GRIK1: variants seen among roughly 807,000 people sequenced by gnomAD.
GRIK1 encodes the protein glutamate receptor ionotropic, kainate 1.
Under a neutral mutation model 105.7 loss-of-function variants are expected in GRIK1, and 69 were observed. That is an observed-to-expected ratio of 0.65 (90% CI 0.54 to 0.80). GRIK1 has a LOEUF of 0.80. Among genes scored for constraint, GRIK1 ranks in the 30% least tolerant of loss-of-function variants. The pLI is 0.00. For missense variants in GRIK1, 1,109 were observed against 1,167.3 expected, an observed-to-expected ratio of 0.95 and a Z score of 0.73; for synonymous variants, 438 against 431.3, an observed-to-expected ratio of 1.02 and a Z score of -0.19.
chr21:29,699,211 T>C (rs2063767074), intron 1 of GRIK1, among the ~76,000 whole-genome samples: 1 of 152,234 alleles, frequency 6.6e-6, no homozygotes, highest in Non-Finnish European at 1.5e-5. Context: ...GTCACTGTTA[T>C]GGACTGAATT....
chr21:29,924,447 A>T (rs2071290719), intron 1 of GRIK1, among the ~76,000 whole-genome samples: 1 of 152,110 alleles, frequency 6.6e-6, no homozygotes, highest in Admixed American at 6.5e-5. Context: ...TGACATCATG[A>T]GCTTTATTCT....
intron 1 of GRIK1, among the ~76,000 whole-genome samples, chr21:29,776,691 G>T (rs142482685): frequency 3.1e-4 from 47 of 152,296 alleles, no homozygotes; most frequent in African/African-American, 1.0e-3. Context: ...AGTTTAGAAG[G>T]GGTTGTTAGT....
At chr21:29,827,359 C>A (rs559609211) in intron 1 of GRIK1, among the ~76,000 whole-genome samples, 39 of 151,972 alleles carry the variant, frequency 2.6e-4, no homozygotes, top group Non-Finnish European at 4.7e-4. Flanking sequence ...TTTATGAATT[C>A]AAATATATTT....
chr21:29,828,157 G>A (rs1349627749), intron 1 of GRIK1, among the ~76,000 whole-genome samples: 1 of 151,848 alleles, frequency 6.6e-6, no homozygotes, highest in African/African-American at 2.4e-5. Context: ...GCTTAGTCCT[G>A]GAATTGGCAC....
intron 15 of GRIK1, among the ~76,000 whole-genome samples, chr21:29,559,657 T>C (rs2090344169): frequency 1.3e-5 from 2 of 152,250 alleles, no homozygotes; most frequent in Admixed American, 1.3e-4. Context: ...TCACATTGGC[T>C]GTGTATTCAT....
chr21:29,675,072 A>C (rs2063240165), intron 3 of GRIK1, among the ~76,000 whole-genome samples: 1 of 152,238 alleles, frequency 6.6e-6, no homozygotes, highest in Non-Finnish European at 1.5e-5. Context: ...AATCTTTGAA[A>C]TAATCCTATG....
intron 1 of GRIK1, among the ~76,000 whole-genome samples, chr21:29,898,658 A>G (rs1228644304): frequency 6.6e-6 from 1 of 152,224 alleles, no homozygotes; most frequent in Non-Finnish European, 1.5e-5. Flanking sequence ...GCTTCTTAAC[A>G]AAAAGACAAT....
At chr21:29,756,376 A>G (rs1248876147) in intron 1 of GRIK1, among the ~76,000 whole-genome samples, 1 of 152,132 alleles carries the variant, frequency 6.6e-6, no homozygotes, top group Non-Finnish European at 1.5e-5. Flanking sequence ...GCGAGACTCC[A>G]TCTCAAAAAA....
At chr21:29,929,514 C>A (rs1245840847) in intron 1 of GRIK1, among the ~76,000 whole-genome samples, 1 of 152,148 alleles carries the variant, frequency 6.6e-6, no homozygotes, top group Non-Finnish European at 1.5e-5. Flanking sequence ...GTATGTAAAA[C>A]CATACACTAT....
chr21:29,850,459 C>T (rs2068269861), intron 1 of GRIK1, among the ~76,000 whole-genome samples: 1 of 152,080 alleles, frequency 6.6e-6, no homozygotes, highest in African/African-American at 2.4e-5. Context: ...GCATACACAC[C>T]CTGTACCCAA....
At chr21:29,831,337 C>G (rs1156611840) in intron 1 of GRIK1, among the ~76,000 whole-genome samples, 1 of 152,168 alleles carries the variant, frequency 6.6e-6, no homozygotes, top group East Asian at 1.9e-4. Context: ...GCTCTCTGCT[C>G]CCACCCACTA....
intron 1 of GRIK1, among the ~76,000 whole-genome samples, chr21:29,934,402 TAGTC>T (rs2071676330): frequency 6.6e-6 from 1 of 152,190 alleles, no homozygotes; most frequent in Admixed American, 6.5e-5. Flanking sequence ...ATGTTAACGT[TAGTC>T]AGGCACTCCC....
Position 29,555,315 on chromosome 21 carries a change from C to A in GRIK1, c.2357-13G>T, listed in dbSNP as rs1171447257. On this transcript the variant is annotated splice_polypyrimidine_tract_variant and intron_variant, in intron 15 of 17. Coordinates refer to ENST00000327783, the MANE Select transcript of GRIK1 (RefSeq NM_001330994.2). The stretch of plus-strand genomic sequence containing the variant: ...CGGTAAGGAGAACCTGGAAGTAAAA[C>A]CATCTGGATATTGGTCACCAAAATG... The A allele has an allele frequency of 6.2e-7, 1 of 1,609,486 alleles. No homozygotes were observed.
At chr21:29,642,624 ACTT>A (rs1350448327) in intron 7 of GRIK1, among the ~76,000 whole-genome samples, 199 bp downstream of exon 7, 4 of 152,228 alleles carry the variant, frequency 2.6e-5, no homozygotes, top group Non-Finnish European at 4.4e-5. Context: ...GCGTCACTGA[ACTT>A]CTCAGCATCA....
At chr21:29,817,038 T>G (rs1405635972) in intron 1 of GRIK1, among the ~76,000 whole-genome samples, 1 of 152,144 alleles carries the variant, frequency 6.6e-6, no homozygotes, top group East Asian at 1.9e-4. Flanking sequence ...AAATATCAGA[T>G]GTACCCCACC....
At chr21:29,627,286 A>T (rs17831620) in intron 7 of GRIK1, among the ~76,000 whole-genome samples, 4,004 of 152,316 alleles carry the variant, frequency 0.026, 71 homozygotes, top group Non-Finnish European at 0.04. Flanking sequence ...TTTGAATTCC[A>T]TTACTAGCAT....
At chr21:29,770,241 T>C (rs1026563270) in intron 1 of GRIK1, among the ~76,000 whole-genome samples, 1 of 152,218 alleles carries the variant, frequency 6.6e-6, no homozygotes, top group Non-Finnish European at 1.5e-5. Context: ...ACAGATTGTG[T>C]CACCCATCGT....
At chr21:29,707,884 C>A (rs923472420) in intron 1 of GRIK1, among the ~76,000 whole-genome samples, 1 of 152,164 alleles carries the variant, frequency 6.6e-6, no homozygotes, top group Admixed American at 6.5e-5. Context: ...CTGGATATGT[C>A]ACAGTTTTCT....
intron 5 of GRIK1, among the ~76,000 whole-genome samples, chr21:29,653,839 C>T (rs556835124): frequency 1.3e-5 from 2 of 152,212 alleles, no homozygotes; most frequent in Non-Finnish European, 2.9e-5. Context: ...GTACCCACTT[C>T]CACCCTATGC....
Sources: allele counts gnomAD v4.1 joint callset (sites outside exome capture counted in the v4.1 genomes callset), GRCh38; gene constraint gnomAD v4.1.1; transcripts MANE v1.5; gene names NCBI Gene and HGNC (gene_info 2026-07-23, HGNC 2026-07-21).